ZNF521: variants seen among roughly 807,000 people sequenced by gnomAD.
The protein encoded by ZNF521 is zinc finger protein 521.
ZNF521 carries 14 observed loss-of-function variants against 105.5 expected under a neutral mutation model. That is an observed-to-expected ratio of 0.13 (90% CI 0.09 to 0.21). ZNF521 has a LOEUF of 0.21. ZNF521 is among the 10% of genes least tolerant of loss of function. The pLI is 1.00. For synonymous variants in ZNF521, 635 were observed against 606.0 expected, an observed-to-expected ratio of 1.05 and a Z score of -0.70; for missense variants, 1,233 against 1,629.7, an observed-to-expected ratio of 0.76 and a Z score of 4.19.
At chr18:25,297,035 G>A (rs568905108) in intron 3 of ZNF521, among the ~76,000 whole-genome samples, 2 of 151,640 alleles carry the variant, frequency 1.3e-5, no homozygotes, top group African/African-American at 4.8e-5. Context: ...GTAAAGCCTT[G>A]TAAGTAGCAA....
chr18:25,107,342 A>T (rs2144282474), intron 5 of ZNF521, among the ~76,000 whole-genome samples: 1 of 152,336 alleles, frequency 6.6e-6, no homozygotes, highest in Non-Finnish European at 1.5e-5. Flanking sequence ...TTTAACACTC[A>T]GCATTTTTAC....
chr18:25,105,502 G>A (rs928355169), intron 5 of ZNF521, among the ~76,000 whole-genome samples: 1 of 152,084 alleles, frequency 6.6e-6, no homozygotes. Flanking sequence ...TATAACAATG[G>A]TACATTCTCC....
At chr18:25,184,794 AT>A (rs1251880039) in intron 5 of ZNF521, among the ~76,000 whole-genome samples, 1 of 152,200 alleles carries the variant, frequency 6.6e-6, no homozygotes, top group Non-Finnish European at 1.5e-5. Flanking sequence ...TGCACTAACA[AT>A]TTGAAAATAA....
At position 25,246,130 on chromosome 18, in the gene ZNF521, C is replaced by T. The variant is rs574650129; in HGVS notation, c.221-18433G>A. On this transcript the variant is annotated intron_variant, in intron 3 of 7. Transcript: ENST00000361524. ...TAGGAGACATACCTAATGTAAATGACGAGTTAATGGGTGCAGCACATCAAC... is the reference window on the plus strand; with the variant it reads ...TAGGAGACATACCTAATGTAAATGATGAGTTAATGGGTGCAGCACATCAAC... 4.6e-5 allele frequency among the ~76,000 whole-genome samples: 7 copies of T among 151,956 alleles called. No individual in the cohort carries two copies. The East Asian group carries it at 5.8e-4, about 13-fold the overall frequency.
chr18:25,075,534 T>C (rs979855958), intron 7 of ZNF521, among the ~76,000 whole-genome samples: 1 of 152,206 alleles, frequency 6.6e-6, no homozygotes, highest in African/African-American at 2.4e-5. Flanking sequence ...CCCAGTCACA[T>C]GCAGAAATAC....
chr18:25,330,531 A>G (rs1350478894), intron 2 of ZNF521, among the ~76,000 whole-genome samples: 1 of 152,200 alleles, frequency 6.6e-6, no homozygotes, highest in African/African-American at 2.4e-5. Flanking sequence ...CAGGACTTCA[A>G]GGATCTTTGG....
chr18:25,187,844 A>G (rs1337383783), intron 5 of ZNF521, among the ~76,000 whole-genome samples: 1 of 152,190 alleles, frequency 6.6e-6, no homozygotes, highest in East Asian at 1.9e-4. Context: ...GACTAGTAAC[A>G]GGGGGATATG....
chr18:25,151,258 A>G (rs2035042905), intron 5 of ZNF521, among the ~76,000 whole-genome samples: 1 of 152,108 alleles, frequency 6.6e-6, no homozygotes, highest in Non-Finnish European at 1.5e-5. Context: ...CCTCTGATTC[A>G]TATCCTTCTT....
chr18:25,073,687 C>T (rs2033280438), intron 7 of ZNF521, among the ~76,000 whole-genome samples: 1 of 152,138 alleles, frequency 6.6e-6, no homozygotes, highest in Admixed American at 6.5e-5. Flanking sequence ...GATAGGGACA[C>T]GGATTCCCTT....
intron 3 of ZNF521, among the ~76,000 whole-genome samples, chr18:25,295,723 G>C (rs1390556469): frequency 6.6e-6 from 1 of 152,034 alleles, no homozygotes; most frequent in Non-Finnish European, 1.5e-5. Context: ...CATTTGGTTT[G>C]TTTTCAGTTT....
chr18:25,079,601 AAGAGAGAGAGAG>A (rs34772670), intron 7 of ZNF521, among the ~76,000 whole-genome samples: 73 of 148,126 alleles, frequency 4.9e-4, no homozygotes, highest in African/African-American at 1.2e-3. Context: ...AGGAAAAAGT[AAGAGAGAGAGAG>A]AGAGAGAGAG....
At chr18:25,303,296 G>GTT (rs1568066477) in intron 3 of ZNF521, among the ~76,000 whole-genome samples, 8 of 112,876 alleles carry the variant, frequency 7.1e-5, no homozygotes, top group Non-Finnish European at 1.2e-4. Flanking sequence ...GTGTGTGTGT[G>GTT]TGTGTGTGTG....
chr18:25,108,185 T>C (rs1244946461), intron 5 of ZNF521, among the ~76,000 whole-genome samples: 1 of 152,368 alleles, frequency 6.6e-6, no homozygotes, highest in African/African-American at 2.4e-5. Context: ...TTAAATTACA[T>C]GGCAAGTATC....
intron 3 of ZNF521, among the ~76,000 whole-genome samples, chr18:25,245,454 A>G (rs1907640554): frequency 6.6e-6 from 1 of 152,202 alleles, no homozygotes; most frequent in Non-Finnish European, 1.5e-5. Context: ...TATGCTTTTT[A>G]GTCTAAGCTT....
At chr18:25,130,748 G>T (rs985044704) in intron 5 of ZNF521, among the ~76,000 whole-genome samples, 6 of 152,038 alleles carry the variant, frequency 3.9e-5, no homozygotes, top group African/African-American at 1.2e-4. Flanking sequence ...TTGGAGATAG[G>T]CCTGGGCAAC....
chr18:25,126,108 A>C (rs1039817610), intron 5 of ZNF521, among the ~76,000 whole-genome samples: 2 of 152,090 alleles, frequency 1.3e-5, no homozygotes, highest in Non-Finnish European at 2.9e-5. Context: ...ATAACCTTGA[A>C]AACTTGAAAG....
chr18:25,327,465 A>G, intron 2 of ZNF521: 5 of 1,170,668 alleles, frequency 4.3e-6, no homozygotes, highest in Non-Finnish European at 4.3e-6. Flanking sequence ...AGAAAATCAG[A>G]GAGTATCTGT....
At chr18:25,315,183 T>C (rs1374898332) in intron 3 of ZNF521, among the ~76,000 whole-genome samples, 1 of 152,126 alleles carries the variant, frequency 6.6e-6, no homozygotes, top group Non-Finnish European at 1.5e-5. Context: ...AGCATTAGAG[T>C]GTTGATTCCC....
chr18:25,276,009 T>C (rs1350253552), intron 3 of ZNF521, among the ~76,000 whole-genome samples: 1 of 152,194 alleles, frequency 6.6e-6, no homozygotes, highest in African/African-American at 2.4e-5. Context: ...AAAAAGAGCT[T>C]ACTTTCAAGG....
Sources: gnomAD v4.1 joint callset for allele counts (sites outside exome capture counted in the v4.1 genomes callset) on GRCh38, gnomAD v4.1.1 for gene constraint, MANE v1.5 for transcripts, NCBI Gene and HGNC (gene_info 2026-07-23, HGNC 2026-07-21) for gene names.